The following PTPRD variants were observed in gnomAD, a reference collection of about 807,000 sequenced individuals.
PTPRD encodes protein tyrosine phosphatase receptor type D, also known as receptor-type tyrosine-protein phosphatase delta.
In PTPRD, 34 loss-of-function variants were observed where a neutral mutation model predicts 214.5. That is an observed-to-expected ratio of 0.16 (90% CI 0.12 to 0.21). The LOEUF is 0.21. Ranked by LOEUF, PTPRD falls within the 10% of genes least tolerant of loss-of-function variation. The probability of loss-of-function intolerance (pLI) is 1.00; values close to 1 mark genes in which losing one functional copy is unlikely to be tolerated. For missense variants in PTPRD, 2,545 were observed against 2,398.7 expected (o/e 1.06, Z -1.27); for synonymous variants, 1,128 against 845.7 (o/e 1.33, Z -5.79).
chr9:8,405,210 T>C (rs982564015), intron 35 of PTPRD, among the ~76,000 whole-genome samples: 7 of 152,134 alleles, frequency 4.6e-5, no homozygotes, highest in African/African-American at 1.4e-4. Flanking sequence ...ACAAGGCAAA[T>C]TGTACAATTT....
intron 35 of PTPRD, among the ~76,000 whole-genome samples, chr9:8,425,678 C>G (rs1270193377): frequency 1.4e-5 from 2 of 147,774 alleles, no homozygotes; most frequent in Non-Finnish European, 3.0e-5. Flanking sequence ...TGTTTTTTTT[C>G]TGTTTCTCCT....
chr9:9,582,540 A>T (rs1314697256), intron 7 of PTPRD, among the ~76,000 whole-genome samples: 1 of 124,450 alleles, frequency 8.0e-6, no homozygotes, highest in Non-Finnish European at 2.0e-5. Flanking sequence ...ATGGAAAAAG[A>T]AAGCAGATTA....
At chr9:10,407,761 T>C (rs1380461146) in intron 2 of PTPRD, among the ~76,000 whole-genome samples, 1 of 151,638 alleles carries the variant, frequency 6.6e-6, no homozygotes, top group Admixed American at 6.6e-5. Context: ...GGTAACCTGC[T>C]AGATTACCTG....
In PTPRD at chr9:9,642,570, T is replaced by C. The variant is rs541189047; in HGVS notation, c.-286-67789A>G. 3.2e-4 allele frequency among the ~76,000 whole-genome samples: 49 copies of C among 152,244 alleles called. 1 individual carries two copies. The South Asian group carries it at 1.0e-2, about 31-fold the overall frequency. ...TTCTCTCTGTAACTGTTTGCAGATA[T>C]GAAAGCTCTCTCCCTCCCCAATTCA... On this transcript the variant is annotated intron_variant, in intron 7 of 45. Transcript: ENST00000381196.
At chr9:9,227,784 T>A (rs1024722720) in intron 9 of PTPRD, among the ~76,000 whole-genome samples, 2 of 152,094 alleles carry the variant, frequency 1.3e-5, no homozygotes, top group African/African-American at 2.4e-5. Flanking sequence ...GCCATGTGAA[T>A]GAGCCATCTT....
intron 5 of PTPRD, among the ~76,000 whole-genome samples, chr9:9,892,834 A>G (rs915392515): frequency 2.0e-5 from 3 of 152,118 alleles, no homozygotes; most frequent in African/African-American, 7.2e-5. Flanking sequence ...GGTAATGTTA[A>G]AAAGACTTAA....
intron 5 of PTPRD, among the ~76,000 whole-genome samples, chr9:9,910,810 C>A (rs1474588836): frequency 6.6e-6 from 1 of 151,944 alleles, no homozygotes; most frequent in Non-Finnish European, 1.5e-5. Flanking sequence ...TCATGAGACT[C>A]CTAATGGACT....
At chr9:10,173,883 T>A (rs1197023492) in intron 3 of PTPRD, among the ~76,000 whole-genome samples, 1 of 151,900 alleles carries the variant, frequency 6.6e-6, no homozygotes, top group Non-Finnish European at 1.5e-5. Flanking sequence ...AATGTTAAAT[T>A]TTAGATAGCC....
intron 2 of PTPRD, among the ~76,000 whole-genome samples, chr9:10,463,701 T>C (rs1297719742): frequency 6.6e-6 from 1 of 152,168 alleles, no homozygotes; most frequent in Non-Finnish European, 1.5e-5. Flanking sequence ...AGTTCTCTGC[T>C]GTGACACTCA....
At chr9:10,200,786 T>G (rs866585514) in intron 3 of PTPRD, among the ~76,000 whole-genome samples, 5 of 152,084 alleles carry the variant, frequency 3.3e-5, no homozygotes, top group African/African-American at 1.2e-4. Flanking sequence ...TGGTAGAATT[T>G]TACCTGAGGA....
chr9:8,971,880 C>G (rs962370379), intron 11 of PTPRD, among the ~76,000 whole-genome samples: 1 of 151,632 alleles, frequency 6.6e-6, no homozygotes, highest in African/African-American at 2.4e-5. Flanking sequence ...ACACAGCTTG[C>G]AAGTGGCAGA....
chr9:9,015,602 AT>A (rs2154365524), intron 11 of PTPRD, among the ~76,000 whole-genome samples: 1 of 152,134 alleles, frequency 6.6e-6, no homozygotes, highest in African/African-American at 2.4e-5. Context: ...TTCCTAATAA[AT>A]TTGTTTTCAC....
At chr9:9,756,584 T>C (rs889864570) in intron 6 of PTPRD, among the ~76,000 whole-genome samples, 3 of 152,042 alleles carry the variant, frequency 2.0e-5, no homozygotes, top group Non-Finnish European at 4.4e-5. Flanking sequence ...GTTGGAGGAA[T>C]GGGGAACAAC....
chr9:8,679,684 G>A (rs1014677070), intron 12 of PTPRD, among the ~76,000 whole-genome samples: 10 of 152,230 alleles, frequency 6.6e-5, no homozygotes, highest in African/African-American at 2.2e-4. Context: ...AATGAATAGT[G>A]ATGTGATGTT....
chr9:8,629,225 G>GT (rs2096162130), intron 14 of PTPRD, among the ~76,000 whole-genome samples: 1 of 151,832 alleles, frequency 6.6e-6, no homozygotes, highest in African/African-American at 2.4e-5. Context: ...GGTTATGTAA[G>GT]TAAGAATAAT....
chr9:9,326,817 T>C (rs944222161), intron 9 of PTPRD, among the ~76,000 whole-genome samples: 2 of 152,130 alleles, frequency 1.3e-5, no homozygotes, highest in African/African-American at 4.8e-5. Context: ...AAGAAACTAT[T>C]TCACCTTATA....
At chr9:9,987,019 A>C (rs1352091699) in intron 4 of PTPRD, among the ~76,000 whole-genome samples, 1 of 152,162 alleles carries the variant, frequency 6.6e-6, no homozygotes, top group Non-Finnish European at 1.5e-5. Flanking sequence ...GTAATTCAGG[A>C]AAGTAGCTAG....
intron 9 of PTPRD, among the ~76,000 whole-genome samples, chr9:9,266,860 A>G (rs1205981015): frequency 6.6e-6 from 1 of 151,110 alleles, no homozygotes; most frequent in Non-Finnish European, 1.5e-5. Context: ...GAAAAAAAAA[A>G]TCTTTAATAA....
At chr9:10,524,817 C>A (rs956796826) in intron 2 of PTPRD, among the ~76,000 whole-genome samples, 1 of 151,824 alleles carries the variant, frequency 6.6e-6, no homozygotes, top group Non-Finnish European at 1.5e-5. Flanking sequence ...ATTTTTATTT[C>A]ATTTTTACAT....
Sources: allele counts gnomAD v4.1 joint callset (sites outside exome capture counted in the v4.1 genomes callset), GRCh38; gene constraint gnomAD v4.1.1; transcripts MANE v1.5; gene names NCBI Gene and HGNC (gene_info 2026-07-23, HGNC 2026-07-21).